Variants in GATA3 observed in about 807,000 individuals in gnomAD.
GATA3 encodes the protein trans-acting T-cell-specific transcription factor GATA-3.
GATA3 carries 6 observed loss-of-function variants against 36.0 expected under a neutral mutation model. The ratio of observed to expected loss-of-function variants is 0.17; its 90% CI spans 0.09 to 0.33. The LOEUF is 0.33. Ranked by LOEUF, GATA3 falls within the 10% of genes least tolerant of loss-of-function variation. GATA3 has a pLI of 1.00. For missense variants in GATA3, 514 were observed against 610.1 expected, an observed-to-expected ratio of 0.84 and a Z score of 1.66; for synonymous variants, 326 against 273.0, an observed-to-expected ratio of 1.19 and a Z score of -1.92.
upstream of GATA3, among the ~76,000 whole-genome samples, chr10:8,049,889 C>T (rs1832441446): frequency 6.6e-6 from 1 of 152,180 alleles, no homozygotes; most frequent in Non-Finnish European, 1.5e-5. Flanking sequence ...GGAAGGAGGC[C>T]AGTTTTCACG....
intron 3 of GATA3, 90 bp from the exon 4 acceptor site, chr10:8,063,903 C>A: frequency 6.3e-7 from 1 of 1,582,814 alleles, no homozygotes; most frequent in Non-Finnish European, 8.7e-7. Context: ...AAAAGTTCTC[C>A]ATTTTACGTT....
upstream of GATA3, chr10:8,052,366 G>A (rs993940193): frequency 6.6e-6 from 1 of 152,222 alleles, no homozygotes; most frequent in East Asian, 1.9e-4. Flanking sequence ...CAAAATTAGC[G>A]GATAGGCGCC....
chr10:8,056,035 T>C, intron 2 of GATA3, 139 bp downstream of exon 2: 1 of 1,227,150 alleles, frequency 8.1e-7, no homozygotes, highest in Non-Finnish European at 1.1e-6. Flanking sequence ...ACAAAAAAAT[T>C]GGGGCCCGGA....
At chr10:8,071,241 A>G (rs1317884449) in intron 5 of GATA3, among the ~76,000 whole-genome samples, 3 of 152,224 alleles carry the variant, frequency 2.0e-5, no homozygotes, top group Admixed American at 6.5e-5. Flanking sequence ...CTGAGAAAGT[A>G]TAAGAGTCAG....
At chr10:8,049,224 G>A (rs1234792831), upstream of GATA3, among the ~76,000 whole-genome samples, 3 of 152,248 alleles carry the variant, frequency 2.0e-5, no homozygotes, top group East Asian at 5.8e-4. Flanking sequence ...CTGGCCCGGG[G>A]CGCGTGGGCG....
rs760956376 is a variant in GATA3, at chr10:8,047,909, GGAT to G, written c.-370+2395_-370+2397del. 5.7e-4 allele frequency among the ~76,000 whole-genome samples: 86 copies of G among 151,954 alleles called. 1 individual carries two copies. Among genetic ancestry groups the G allele is most frequent in the Non-Finnish European group, 8.7e-4 (59 of 68,002 alleles). ...GCACCTCTGAGTCGGGCACAAACATGGATTTTTTTTTTCACCAGGTGGTCTCTA... is the reference window on the plus strand; with the variant it reads ...GCACCTCTGAGTCGGGCACAAACATGTTTTTTTTTCACCAGGTGGTCTCTA... On this transcript the variant is annotated intron_variant, in intron 1 of 1. Coordinates refer to the GATA3 transcript ENST00000643001.
At position 8,058,795 on chromosome 10, in the gene GATA3, C is replaced by T. The variant is rs376009073; in HGVS notation, c.732C>T (p.Pro244=). The part of the protein sequence containing the change: ...FPPSSLLGGS[P]TGFGCKSRPK... Reference sequence around the variant, plus strand: ...CCAGCAGCCTGCTGGGCGGCTCCCCCACCGGCTTCGGATGCAAGTCCAGGC... The same window carrying T: ...CCAGCAGCCTGCTGGGCGGCTCCCCTACCGGCTTCGGATGCAAGTCCAGGC... The change falls in exon 3 of 6, where the codon CCC becomes CCT. Residue 244 remains proline, a synonymous_variant. Coordinates refer to ENST00000379328, the MANE Select transcript of GATA3 (RefSeq NM_001002295.2). 6.7e-5 allele frequency: 107 copies of T among 1,608,050 alleles called. No individual in the cohort carries two copies. Among genetic ancestry groups the T allele is most frequent in the Non-Finnish European group, 8.7e-5 (103 of 1,179,828 alleles).
At chr10:8,063,135 T>C (rs1225202241) in intron 3 of GATA3, among the ~76,000 whole-genome samples, 1 of 152,226 alleles carries the variant, frequency 6.6e-6, no homozygotes, top group East Asian at 1.9e-4. Context: ...CCTTGGTTAC[T>C]GAGCAGCCAC....
intron 4 of GATA3, among the ~76,000 whole-genome samples, chr10:8,067,541 G>T (rs916415968): frequency 6.6e-6 from 1 of 152,122 alleles, no homozygotes; most frequent in African/African-American, 2.4e-5. Context: ...ATCCCAGGCC[G>T]GGTGCGGTGG....
In GATA3 at chr10:8,056,549, G is replaced by A. The variant is rs933246738; in HGVS notation, c.241+653G>A. ...TCTGATGCTGAAGGGGTTTGGGGGG[G>A]AAGACCCCTGTCTTAAGTTTGAGGG... is the stretch of plus-strand genomic sequence containing the variant. On this transcript the variant is annotated intron_variant, in intron 2 of 5. Coordinates refer to ENST00000379328, the MANE Select transcript of GATA3 (RefSeq NM_001002295.2). Among the ~76,000 whole-genome samples, 12 of 152,266 alleles carry A rather than the reference G, an allele frequency of 7.9e-5. 1 individual carries two copies. The South Asian group carries it at 1.5e-3, about 18-fold the overall frequency.
chr10:8,067,687 G>A (rs1030737670), intron 4 of GATA3, among the ~76,000 whole-genome samples: 1 of 140,434 alleles, frequency 7.1e-6, no homozygotes, highest in Non-Finnish European at 1.5e-5. Flanking sequence ...GGGCGGTGGC[G>A]GGCGCCTGTA....
At chr10:8,061,066 G>GCTCTCTCTCTCT (rs111353803) in intron 3 of GATA3, among the ~76,000 whole-genome samples, 19 of 149,042 alleles carry the variant, frequency 1.3e-4, no homozygotes, top group East Asian at 6.0e-4. Flanking sequence ...TTTAGTGGTT[G>GCTCTCTCTCTCT]CTCTCTCTCT....
intron 1 of GATA3, among the ~76,000 whole-genome samples, chr10:8,046,792 C>T (rs1157993181): frequency 6.6e-6 from 1 of 151,844 alleles, no homozygotes; most frequent in East Asian, 1.9e-4. Context: ...AGACCAAGAC[C>T]CCATTGGGTG....
chr10:8,070,414 C>T (rs1160396314), intron 5 of GATA3, among the ~76,000 whole-genome samples: 4 of 150,444 alleles, frequency 2.7e-5, no homozygotes, highest in African/African-American at 7.4e-5. Context: ...CATTCTGGCT[C>T]AGAGGCCATG....
chr10:8,061,665 G>T (rs79091310), intron 3 of GATA3, among the ~76,000 whole-genome samples: 63 of 152,362 alleles, frequency 4.1e-4, no homozygotes, highest in African/African-American at 1.5e-3. Flanking sequence ...AGTGAATCAA[G>T]ACAGAAAATT....
chr10:8,074,203 C>A lies in GATA3; in HGVS notation c.*180C>A, dbSNP rs1335644172. The A allele has an allele frequency of 1.8e-5, 12 of 665,432 alleles. No individual in the cohort carries two copies. The highest frequency in any genetic ancestry group is 3.6e-5 in the African/African-American group (2 of 54,992). The allele number at this position is 665,432 out of a possible 1,614,324, so 41.2% of individuals were successfully genotyped here. Reference sequence around the variant, plus strand: ...CTCACTGTGGTGTCTGTGTTCCAACCACTGAATCTGGACCCCATCTGTGAA... The same window carrying A: ...CTCACTGTGGTGTCTGTGTTCCAACAACTGAATCTGGACCCCATCTGTGAA... On this transcript the variant is annotated 3_prime_UTR_variant, in exon 6 of 6. Coordinates refer to ENST00000379328, the MANE Select transcript of GATA3 (RefSeq NM_001002295.2).
intron 2 of GATA3, among the ~76,000 whole-genome samples, chr10:8,056,827 G>A (rs1832647928): frequency 6.6e-6 from 1 of 152,120 alleles, no homozygotes; most frequent in Admixed American, 6.5e-5. Flanking sequence ...TGTAGTTTGA[G>A]GAAAAAAGAT....
intron 3 of GATA3, among the ~76,000 whole-genome samples, chr10:8,060,351 G>C (rs945206760): frequency 6.6e-6 from 1 of 152,268 alleles, no homozygotes; most frequent in Admixed American, 6.5e-5. Context: ...CAAAAAGAAA[G>C]CAAGAGGCCG....
chr10:8,047,410 C>G (rs1564392422), intron 1 of GATA3, among the ~76,000 whole-genome samples: 1 of 152,240 alleles, frequency 6.6e-6, no homozygotes. Context: ...GAAGTGATGT[C>G]TCATTCTTGG....
Sources: gnomAD v4.1 joint callset for allele counts (sites outside exome capture counted in the v4.1 genomes callset) on GRCh38, gnomAD v4.1.1 for gene constraint, MANE v1.5 for transcripts, NCBI Gene and HGNC (gene_info 2026-07-23, HGNC 2026-07-21) for gene names.